The following PMS2 variants were observed in gnomAD, a reference collection of about 807,000 sequenced individuals.
PMS2 encodes the protein PMS1 homolog 2, mismatch repair system component.
Under a neutral mutation model 90.0 loss-of-function variants are expected in PMS2, and 69 were observed. The ratio of observed to expected loss-of-function variants is 0.77; its 90% CI spans 0.63 to 0.94. The LOEUF (loss-of-function observed/expected upper bound fraction) is 0.94. Among genes scored for constraint, PMS2 ranks in the 40% least tolerant of loss-of-function variants. The pLI is 0.00. For missense variants in PMS2, 966 were observed against 1,040.2 expected (o/e 0.93, Z 0.98); for synonymous variants, 332 against 375.1 (o/e 0.89, Z 1.33).
At chr7:6,000,704 T>C (rs1784994687) in intron 5 of PMS2, among the ~76,000 whole-genome samples, 1 of 152,188 alleles carries the variant, frequency 6.6e-6, no homozygotes, top group Admixed American at 6.6e-5. Context: ...AAAGTTAAAA[T>C]TAGCAGCCAA....
intron 10 of PMS2, among the ~76,000 whole-genome samples, chr7:5,988,488 T>G (rs1412549705): frequency 1.3e-5 from 2 of 151,718 alleles, no homozygotes; most frequent in African/African-American, 4.8e-5. Flanking sequence ...CACTTGAACC[T>G]GGAAGGCAGG....
chr7:5,990,264 T>C (rs987448973), intron 9 of PMS2, among the ~76,000 whole-genome samples: 1 of 152,230 alleles, frequency 6.6e-6, no homozygotes. Flanking sequence ...CGCCTTGGCC[T>C]CCCAAAGTTC....
rs758471869 is a variant in PMS2, at chr7:6,002,643, G to A, written c.354-7C>T. The A allele has an allele frequency of 3.1e-6, 5 of 1,608,710 alleles. No homozygotes were observed. The highest frequency in any genetic ancestry group is 1.7e-5 in the Admixed American group (1 of 60,010). Reference sequence around the variant, plus strand: ...GGTAGAAATGGTGACATCGCTGTGAGAGAATACCAGGCATGGTGTGTTCAG... The same window carrying A: ...GGTAGAAATGGTGACATCGCTGTGAAAGAATACCAGGCATGGTGTGTTCAG... On this transcript the variant is annotated splice_polypyrimidine_tract_variant and splice_region_variant and intron_variant, in intron 4 of 14. Transcript: ENST00000265849.
At chr7:5,988,594 G>A (rs1270510180) in intron 10 of PMS2, among the ~76,000 whole-genome samples, 1 of 152,196 alleles carries the variant, frequency 6.6e-6, no homozygotes, top group East Asian at 1.9e-4. Flanking sequence ...ATCTATGCTC[G>A]TCAAAAAGAC....
chr7:5,998,710 G>A (rs1399478716), intron 6 of PMS2, among the ~76,000 whole-genome samples: 3 of 140,064 alleles, frequency 2.1e-5, no homozygotes, highest in Non-Finnish European at 3.0e-5. Flanking sequence ...AAAAAAAACC[G>A]GCCGGGCTTG....
chr7:5,996,233 A>T (rs1784375079), intron 7 of PMS2, among the ~76,000 whole-genome samples: 1 of 152,110 alleles, frequency 6.6e-6, no homozygotes, highest in Non-Finnish European at 1.5e-5. Flanking sequence ...ATAGATCTCA[A>T]GGCAACAAAC....
At chr7:5,996,590 A>AAAT (rs56858711) in intron 7 of PMS2, among the ~76,000 whole-genome samples, 3,314 of 109,576 alleles carry the variant, frequency 0.03, 48 homozygotes, top group African/African-American at 0.039. Flanking sequence ...AAAAAAAAAA[A>AAAT]ATATATATAT....
chr7:5,987,420 G>C lies in PMS2; in HGVS notation c.1345C>G (p.Gln449Glu), dbSNP rs876661256. ...CTAGAAGACAGCATACCCCTTTTCT[G>C]TCCTAGAGGGCTCCTTCTTGGTTCT... ...TPEPRRSPLG[Q>E]KRGMLSSSTS... Residue 449 changes from glutamine (Q) to glutamate (E), a missense_variant, in exon 11 of 15, where the codon CAG becomes GAG. Around this residue, in one of 2 missense-constraint regions of PMS2, gnomAD observed 871 missense variants for 802.4 expected, o/e 1.09. Coordinates refer to ENST00000265849, the MANE Select transcript of PMS2 (RefSeq NM_000535.7). The C allele has an allele frequency of 1.2e-6, 2 of 1,614,014 alleles. No homozygotes were observed. Among genetic ancestry groups the C allele is most frequent in the Non-Finnish European group, 1.7e-6 (2 of 1,180,006 alleles).
Position 5,989,572 on chromosome 7 carries a change from C to G in PMS2, c.1144+228G>C, listed in dbSNP as rs535016613. Among the ~76,000 whole-genome samples, 316 of 152,034 alleles carry G rather than the reference C, an allele frequency of 2.1e-3. 5 individuals are homozygous for G. Among genetic ancestry groups the G allele is most frequent in the Non-Finnish European group, 5.9e-4 (40 of 67,986 alleles). On this transcript the variant is annotated intron_variant, in intron 10 of 14. Transcript: ENST00000265849. ...GAGGCAGCTACTTGGGAGGCTGAGG[C>G]AGGAAGATGGCCTGAGCCCAGGAGT...
chr7:5,990,391 G>A (rs1420903687), intron 9 of PMS2, among the ~76,000 whole-genome samples: 1 of 152,170 alleles, frequency 6.6e-6, no homozygotes, highest in Non-Finnish European at 1.5e-5. Context: ...AAACATTACA[G>A]TGTCCAGGTT....
chr7:5,999,360 G>A (rs948136403), intron 5 of PMS2, 85 bp from the exon 6 acceptor site: 8 of 1,176,214 alleles, frequency 6.8e-6, no homozygotes, highest in African/African-American at 4.5e-5. Flanking sequence ...TCCAACGCAA[G>A]GTTCTCACAT....
chr7:5,993,350 G>A (rs1487363366), intron 8 of PMS2, among the ~76,000 whole-genome samples: 12 of 114,320 alleles, frequency 1.0e-4, no homozygotes, highest in African/African-American at 2.7e-4. Context: ...TAGCCTGGGC[G>A]ACAGAGCTAG....
At chr7:5,994,179 A>C (rs1042037558) in intron 8 of PMS2, among the ~76,000 whole-genome samples, 6 of 151,762 alleles carry the variant, frequency 4.0e-5, no homozygotes. Context: ...TCAGGATTTC[A>C]AGACCATCCT....
At chr7:5,996,518 G>A (rs1784405860) in intron 7 of PMS2, among the ~76,000 whole-genome samples, 1 of 146,544 alleles carries the variant, frequency 6.8e-6, no homozygotes, top group Non-Finnish European at 1.5e-5. Flanking sequence ...GTTGCAGTGA[G>A]CCAAGATCAC....
rs537919188 is a variant in PMS2 at position 5,981,223 on chromosome 7, AATTTT to A, written c.2174+1596_2174+1600del. ...AGTGACTATCTTAAAATAATTTTTA[AATTTT>A]ATTTTATTTTATTTATTAATTTATT... On this transcript the variant is annotated intron_variant, in intron 12 of 14. Coordinates refer to ENST00000265849, the MANE Select transcript of PMS2 (RefSeq NM_000535.7). Among the ~76,000 whole-genome samples the A allele has an allele frequency of 6.8e-4, 103 of 150,994 alleles. No homozygotes were observed. In the South Asian group the frequency reaches 0.012, roughly 18 times the overall value.
chr7:5,992,138 C>A, intron 8 of PMS2, 81 bp from the exon 9 acceptor site: 1 of 798,798 alleles, frequency 1.3e-6, no homozygotes, highest in Non-Finnish European at 2.2e-6. Flanking sequence ...TCTATTCTAA[C>A]CAACCAGCAT....
intron 13 of PMS2, among the ~76,000 whole-genome samples, 200 bp from the exon 14 acceptor site, chr7:5,977,957 A>C (rs1156266735): frequency 2.0e-5 from 3 of 150,310 alleles, no homozygotes; most frequent in Non-Finnish European, 4.4e-5. Flanking sequence ...GTCTCTACTA[A>C]AAAATAGAAA....
At chr7:5,989,213 T>C (rs1301062775) in intron 10 of PMS2, among the ~76,000 whole-genome samples, 2 of 152,060 alleles carry the variant, frequency 1.3e-5, no homozygotes. Context: ...AGAGGACTGC[T>C]TGAGCTCAAG....
At chr7:5,989,369 G>T (rs1026496722) in intron 10 of PMS2, among the ~76,000 whole-genome samples, 3 of 152,030 alleles carry the variant, frequency 2.0e-5, no homozygotes, top group Non-Finnish European at 2.9e-5. Context: ...AGGCTTCAAG[G>T]TTGCAGTGAG....
Sources: gnomAD v4.1 joint callset for allele counts (sites outside exome capture counted in the v4.1 genomes callset) on GRCh38, gnomAD v4.1.1 for gene constraint, gnomAD v4.1.1 regional missense constraint, MANE v1.5 for transcripts, NCBI Gene and HGNC (gene_info 2026-07-23, HGNC 2026-07-21) for gene names.